The following SOX30 variants were observed in gnomAD, a reference collection of about 807,000 sequenced individuals.
SOX30 encodes the protein SRY-box transcription factor 30.
In SOX30, 17 loss-of-function variants were observed where a neutral mutation model predicts 58.6. The ratio of observed to expected loss-of-function variants is 0.29; its 90% confidence interval spans 0.20 to 0.44. SOX30 has a LOEUF of 0.44. SOX30 is among the 20% of genes least tolerant of loss of function. The pLI, the probability that SOX30 is intolerant of heterozygous loss-of-function variation, is 1.00. For synonymous variants in SOX30, 421 were observed against 400.2 expected, an observed-to-expected ratio of 1.05 and a Z score of -0.62; for missense variants, 951 against 965.8, an observed-to-expected ratio of 0.98 and a Z score of 0.20.
At chr5:157,669,416 C>T (rs996091036) in intron 1 of SOX30, among the ~76,000 whole-genome samples, 1 of 152,122 alleles carries the variant, frequency 6.6e-6, no homozygotes, top group Non-Finnish European at 1.5e-5. Context: ...AACTCCTGAC[C>T]TCTAGTGATC....
intron 1 of SOX30, among the ~76,000 whole-genome samples, chr5:157,650,904 A>T (rs1362136478): frequency 1.3e-5 from 2 of 152,240 alleles, no homozygotes; most frequent in Admixed American, 1.3e-4. Context: ...TCGATTTTTT[A>T]AAAAATACTT....
upstream of SOX30, among the ~76,000 whole-genome samples, chr5:157,657,179 T>G (rs983080053): frequency 3.9e-5 from 6 of 152,216 alleles, no homozygotes; most frequent in African/African-American, 1.4e-4. Flanking sequence ...TTTGGATTTT[T>G]GGGGGCTGTA....
upstream of SOX30, among the ~76,000 whole-genome samples, chr5:157,654,865 A>C (rs924188374): frequency 6.6e-6 from 1 of 152,236 alleles, no homozygotes. Context: ...AAGGGGAGGC[A>C]TGAAAAATCC....
At position 157,639,552 on chromosome 5, in the gene SOX30, A is replaced by G. The variant is rs2018439771; in HGVS notation, c.1388-830T>C. ...AGGAATACTATTGCAGCAGAGCATG[A>G]AAGATATGGCAAAATTTTTAAAGGT... On this transcript the variant is annotated intron_variant, in intron 3 of 4. Transcript: ENST00000265007. Among the ~76,000 whole-genome samples the G allele has an allele frequency of 5.3e-5, 8 of 152,334 alleles. No individual in the cohort carries two copies. In the South Asian group the frequency reaches 1.7e-3, roughly 32 times the overall value.
intron 4 of SOX30, among the ~76,000 whole-genome samples, chr5:157,630,748 T>A (rs1758769330): frequency 6.6e-6 from 1 of 150,396 alleles, no homozygotes; most frequent in Admixed American, 6.7e-5. Flanking sequence ...TCAGTTAGAG[T>A]TAAAAGCTTG....
chr5:157,631,738 CTGG>C (rs1460365899), intron 4 of SOX30, among the ~76,000 whole-genome samples: 2 of 146,492 alleles, frequency 1.4e-5, no homozygotes, highest in Non-Finnish European at 3.0e-5. Context: ...GCACTCCAGC[CTGG>C]GTAACAGAGT....
chr5:157,645,030 C>T (rs993652539), intron 3 of SOX30, among the ~76,000 whole-genome samples: 1 of 152,032 alleles, frequency 6.6e-6, no homozygotes, highest in Non-Finnish European at 1.5e-5. Context: ...TGAACAAAGT[C>T]ATAATTAAGC....
intron 2 of SOX30, chr5:157,667,741 AATAC>A (rs761769781): frequency 8.0e-5 from 120 of 1,494,732 alleles, no homozygotes; most frequent in Admixed American, 3.8e-4. Flanking sequence ...TCCATCTCAG[AATAC>A]ATACATACAT....
upstream of SOX30, among the ~76,000 whole-genome samples, chr5:157,657,408 A>C (rs1759496885): frequency 6.6e-6 from 1 of 152,216 alleles, no homozygotes; most frequent in Admixed American, 6.5e-5. Flanking sequence ...ATCCTCTTCA[A>C]AAGTTGGTTT....
chr5:157,643,101 GACAACAACA>G (rs200189852), intron 3 of SOX30, among the ~76,000 whole-genome samples: 22 of 149,932 alleles, frequency 1.5e-4, no homozygotes, highest in South Asian at 4.3e-4. Flanking sequence ...GAAGAAAACG[GACAACAACA>G]ACAACAACAA....
At position 157,635,899 on chromosome 5, in the gene SOX30, C is replaced by T. The variant is rs191142434; in HGVS notation, c.1880+2331G>A. 5.5e-4 allele frequency among the ~76,000 whole-genome samples: 83 copies of T among 152,236 alleles called. 2 individuals are homozygous for T. The highest frequency in any genetic ancestry group is 1.9e-3 in the African/African-American group (81 of 41,562). ...ACAGCTGCCAATCAAGAGGAGCTGT[C>T]ATAAAAGAAGTCTTACTGATATAGT... On this transcript the variant is annotated intron_variant, in intron 4 of 4. Transcript: ENST00000265007.
chr5:157,634,461 C>A (rs1758878910), intron 4 of SOX30, among the ~76,000 whole-genome samples: 1 of 120,372 alleles, frequency 8.3e-6, no homozygotes, highest in African/African-American at 4.9e-5. Context: ...AACAGATTCT[C>A]TCTCCTTGGC....
chr5:157,662,691 A>G (rs1759597413), intron 2 of SOX30, among the ~76,000 whole-genome samples: 1 of 152,192 alleles, frequency 6.6e-6, no homozygotes, highest in South Asian at 2.1e-4. Context: ...AGGCCATGAA[A>G]GGAAGTAGGG....
intron 4 of SOX30, among the ~76,000 whole-genome samples, chr5:157,630,525 G>GT (rs1758764857): frequency 6.6e-6 from 1 of 152,034 alleles, no homozygotes; most frequent in Non-Finnish European, 1.5e-5. Context: ...CGTATTCTTT[G>GT]TTATGCATGG....
rs542685503 is a variant in SOX30 at position 157,661,913 on chromosome 5, A to G, written c.52+5885T>C. ...CCCTTCTATTCTTGAAAAGATTTCC[A>G]TTGGATTGGTATTATTAATTATTTA... On this transcript the variant is annotated intron_variant, in intron 2 of 5. Transcript: ENST00000519442. 5.9e-5 allele frequency among the ~76,000 whole-genome samples: 9 copies of G among 152,142 alleles called. No individual in the cohort carries two copies. The East Asian group carries it at 1.7e-3, about 29-fold the overall frequency.
At chr5:157,639,131 T>C (rs1758999878) in intron 3 of SOX30, among the ~76,000 whole-genome samples, 1 of 152,154 alleles carries the variant, frequency 6.6e-6, no homozygotes, top group African/African-American at 2.4e-5. Context: ...GGTATGCATA[T>C]ATACATTTAA....
chr5:157,664,652 G>A (rs1231109095), intron 2 of SOX30, among the ~76,000 whole-genome samples: 2 of 152,188 alleles, frequency 1.3e-5, no homozygotes, highest in African/African-American at 4.8e-5. Flanking sequence ...ACTACCATCA[G>A]AGTGAACAGG....
At chr5:157,662,145 T>A (rs900034770) in intron 2 of SOX30, among the ~76,000 whole-genome samples, 9 of 152,210 alleles carry the variant, frequency 5.9e-5, no homozygotes, top group Non-Finnish European at 1.2e-4. Context: ...CATAAGGTTG[T>A]TCAAAATATT....
chr5:157,651,693 T>C lies in SOX30; in HGVS notation c.386A>G (p.Gln129Arg). The C allele has an allele frequency of 1.3e-6, 2 of 1,596,112 alleles. No individual in the cohort carries two copies. The highest frequency in any genetic ancestry group is 1.1e-5 in the South Asian group (1 of 89,276). Residue 129 changes from glutamine (Q) to arginine (R), a missense_variant, in exon 1 of 5, where the codon CAG becomes CGG. By Grantham distance (43) the Gln-to-Arg change is conservative. Transcript: ENST00000265007. ...GGCCTTGACATGCAGCGCCAGGGGC[T>C]GCACCGGGTGCAACTCGGGCCTGGA... ...ATSRPELHPV[Q>R]PLALHVKAKK...
Sources: gnomAD v4.1 joint callset for allele counts (sites outside exome capture counted in the v4.1 genomes callset) on GRCh38, gnomAD v4.1.1 for gene constraint, MANE v1.5 for transcripts, NCBI Gene and HGNC (gene_info 2026-07-23, HGNC 2026-07-21) for gene names.